Variants in CACNA1H observed in about 807,000 individuals in gnomAD.
CACNA1H encodes voltage-dependent T-type calcium channel subunit alpha-1H.
A neutral mutation model predicts 192.5 loss-of-function variants in CACNA1H; 149 were observed. That is an observed-to-expected ratio of 0.77 (90% CI 0.68 to 0.89). The LOEUF is 0.89. CACNA1H is among the 40% of genes least tolerant of loss of function. The pLI is 0.00. For missense variants in CACNA1H, 4,257 were observed against 3,423.5 expected (o/e 1.24, Z -6.08); for synonymous variants, 2,202 against 1,475.2 (o/e 1.49, Z -11.29).
intron 2 of CACNA1H, among the ~76,000 whole-genome samples, chr16:1,177,577 G>A (rs935147833): frequency 3.9e-5 from 6 of 152,170 alleles, no homozygotes; most frequent in African/African-American, 1.2e-4. Context: ...GGGCCCCCCA[G>A]GACAGGCTTG....
At position 1,218,526 on chromosome 16, in the gene CACNA1H, T is replaced by C. The variant is rs767925553; in HGVS notation, c.5762T>C (p.Val1921Ala). ...APNLVARKVS[V>A]SRMLSLPNDS... The stretch of plus-strand genomic sequence containing the variant: ...AACCTGGTTGCACGCAAGGTGTCCG[T>C]GTCCAGGATGCTCTCGCTGCCCAAC... The change falls in exon 33 of 35, where the codon GTG becomes GCG. Residue 1921 changes from valine to alanine, a missense_variant. Val to Ala is a moderately conservative substitution (Grantham distance 64). Transcript: ENST00000348261. 1.3e-6 allele frequency: 2 copies of C among 1,555,146 alleles called. No homozygotes were observed. The highest frequency in any genetic ancestry group is 1.2e-5 in the South Asian group (1 of 84,320).
intron 5 of CACNA1H, among the ~76,000 whole-genome samples, chr16:1,196,416 GC>G (rs1347963772): frequency 2.0e-5 from 3 of 152,190 alleles, no homozygotes; most frequent in African/African-American, 7.2e-5. Flanking sequence ...TGTGGGTGTG[GC>G]TCAGCTCACC....
At chr16:1,205,725 C>T (rs772997410) in intron 11 of CACNA1H, among the ~76,000 whole-genome samples, 3 of 152,172 alleles carry the variant, frequency 2.0e-5, no homozygotes, top group East Asian at 1.9e-4. Context: ...GCTCATCCCT[C>T]AAGAGTAGAG....
chr16:1,162,678 T>G (rs1429696059), intron 2 of CACNA1H, among the ~76,000 whole-genome samples: 1 of 150,918 alleles, frequency 6.6e-6, no homozygotes, highest in Non-Finnish European at 1.5e-5. Flanking sequence ...CCGAGCGTCT[T>G]GGGACCCTGT....
chr16:1,192,351 G>C (rs922456288), intron 2 of CACNA1H, among the ~76,000 whole-genome samples: 1 of 152,246 alleles, frequency 6.6e-6, no homozygotes, highest in African/African-American at 2.4e-5. Flanking sequence ...ACCCCTGCCA[G>C]CCCCTCTGCC....
chr16:1,210,556 C>T, intron 19 of CACNA1H, 27 bp from the exon 20 acceptor site: 1 of 1,609,878 alleles, frequency 6.2e-7, no homozygotes, highest in Non-Finnish European at 8.5e-7. Context: ...GGAGTGGACA[C>T]AGCCCCCCAC....
chr16:1,219,490 G>T (rs1180110696), intron 34 of CACNA1H, among the ~76,000 whole-genome samples: 2 of 152,176 alleles, frequency 1.3e-5, no homozygotes, highest in African/African-American at 4.8e-5. Context: ...CAGGCCCCAT[G>T]TGGGCATGGG....
chr16:1,209,485 T>A, intron 17 of CACNA1H, 73 bp downstream of exon 17: 1 of 1,553,236 alleles, frequency 6.4e-7, no homozygotes, highest in Non-Finnish European at 8.7e-7. Flanking sequence ...AAGTGGGGTT[T>A]GAGATGGGAT....
chr16:1,165,722 C>A lies in CACNA1H; in HGVS notation c.299+11686C>A, dbSNP rs545235202. On this transcript the variant is annotated intron_variant, in intron 2 of 34. Coordinates refer to ENST00000348261, the MANE Select transcript of CACNA1H (RefSeq NM_021098.3). ...TGTAGAGGGGCTGCCTCCCTGCCCCCACCCCGGCTCACAGTGCGGGTGGCT... is the reference window on the plus strand; with the variant it reads ...TGTAGAGGGGCTGCCTCCCTGCCCCAACCCCGGCTCACAGTGCGGGTGGCT... Among the ~76,000 whole-genome samples, 8 of 152,258 alleles carry A rather than the reference C, an allele frequency of 5.3e-5. No individual in the cohort carries two copies. In the South Asian group the frequency reaches 1.0e-3, roughly 20 times the overall value.
intron 12 of CACNA1H, 92 bp from the exon 13 acceptor site, chr16:1,206,909 T>TCCCCCCCCCCCC: frequency 8.6e-6 from 1 of 116,610 alleles, no homozygotes; most frequent in Non-Finnish European, 1.6e-5. Context: ...GTCCTGCCCC[T>TCCCCCCCCCCCC]CCCTCCTCCC....
chr16:1,166,619 C>A lies in CACNA1H; in HGVS notation c.299+12583C>A, dbSNP rs572728404. ...GAGGAAACCCTGCAGTCAGCTGTCT[C>A]GGCGTCTCCCGCTGGCCTTTTCCGT... On this transcript the variant is annotated intron_variant, in intron 2 of 34. Transcript: ENST00000348261. 3.5e-4 allele frequency among the ~76,000 whole-genome samples: 54 copies of A among 152,242 alleles called. No homozygotes were observed. The South Asian group carries it at 0.011, about 31-fold the overall frequency.
chr16:1,187,228 G>C (rs757283204), intron 2 of CACNA1H, among the ~76,000 whole-genome samples: 1 of 152,250 alleles, frequency 6.6e-6, no homozygotes, highest in Non-Finnish European at 1.5e-5. Context: ...CCAGCGCCGC[G>C]TGGGGCCGTG....
At position 1,219,886 on chromosome 16, in the gene CACNA1H, C is replaced by T. The variant is rs897251114; in HGVS notation, c.6049-95C>T. 1.5e-5 allele frequency: 16 copies of T among 1,039,476 alleles called. No individual in the cohort carries two copies. The East Asian group carries it at 2.9e-4, about 19-fold the overall frequency. 64.4% of individuals were successfully genotyped at this position (1,039,476 alleles called of 1,614,324 possible). A position where few individuals can be genotyped will look rare whatever the true frequency, so the allele number is the denominator to read the frequency against. On this transcript the variant is annotated intron_variant, in intron 34 of 34. Coordinates refer to ENST00000348261, the MANE Select transcript of CACNA1H (RefSeq NM_021098.3). ...CCAGGGGACCTGCCCAGTTTGGCCT[C>T]TCCAGTACCTGGATGGTGAGGGGTC...
rs756447194 is a variant in CACNA1H at position 1,209,395 on chromosome 16, G to C, written c.3727G>C (p.Asp1243His). The change falls in exon 17 of 35, where the codon GAC becomes CAC. Residue 1243 changes from aspartate to histidine, a missense_variant. By Grantham distance (81) the Asp-to-His change is moderately conservative. Coordinates refer to ENST00000348261, the MANE Select transcript of CACNA1H (RefSeq NM_021098.3). ...CCACCGTGAGGATGCAGCCGAGCTT[G>C]ACGACGACTCGGAGGACGTGAGTGC... Reference protein sequence around the residue: ...DSHREDAAELDDDSEDSCCLR... With the variant: ...DSHREDAAELHDDSEDSCCLR... The C allele has an allele frequency of 1.0e-5, 16 of 1,597,566 alleles. No individual in the cohort carries two copies. The South Asian group carries it at 1.8e-4, about 18-fold the overall frequency.
intron 10 of CACNA1H, 143 bp from the exon 11 acceptor site, chr16:1,204,971 G>A (rs1968495599): frequency 6.7e-6 from 1 of 149,180 alleles, no homozygotes; most frequent in African/African-American, 7.0e-5. Context: ...GATCAGTGCC[G>A]GGGAGGGGTG....
Position 1,217,001 on chromosome 16 carries a change from G to A in CACNA1H, c.5314G>A (p.Gly1772Arg), listed in dbSNP as rs1433457496. 2 of 1,593,170 alleles carry A rather than the reference G, an allele frequency of 1.3e-6. No homozygotes were observed. The highest frequency in any genetic ancestry group is 1.7e-6 in the Non-Finnish European group (2 of 1,169,884). Reference protein sequence around the residue: ...IYAALGVELFGRLECSEDNPC... With the variant: ...IYAALGVELFRRLECSEDNPC... ...TGCTGCGCTGGGAGTGGAGCTGTTCGGGAGGCTGGGTGAGTGGCTCCTGCG... is the reference window on the plus strand; with the variant it reads ...TGCTGCGCTGGGAGTGGAGCTGTTCAGGAGGCTGGGTGAGTGGCTCCTGCG... Residue 1772 changes from glycine to arginine, a missense_variant, in exon 31 of 35, where the codon GGG (glycine) becomes AGG (arginine). Transcript: ENST00000348261.
At chr16:1,202,637 AG>A (rs1968110429) in intron 9 of CACNA1H, among the ~76,000 whole-genome samples, 185 bp downstream of exon 9, 1 of 152,102 alleles carries the variant, frequency 6.6e-6, no homozygotes, top group African/African-American at 2.4e-5. Context: ...CGCCCCTGAC[AG>A]CGCCAAAGCA....
In CACNA1H at chr16:1,160,770, C is replaced by T. The variant is rs113013859; in HGVS notation, c.299+6734C>T. 7.2e-4 allele frequency among the ~76,000 whole-genome samples: 109 copies of T among 152,292 alleles called. 2 individuals are homozygous for T. In the South Asian group the frequency reaches 0.016, roughly 22 times the overall value. ...CCTCCTTTGTCCTCTTGCTGCCGCC[C>T]GGTCGCTTGCCGGGAGCGGGAGCTG... On this transcript the variant is annotated intron_variant, in intron 2 of 34. Transcript: ENST00000348261.
chr16:1,165,438 G>A (rs1372576166), intron 2 of CACNA1H, among the ~76,000 whole-genome samples: 1 of 152,176 alleles, frequency 6.6e-6, no homozygotes, highest in African/African-American at 2.4e-5. Flanking sequence ...CTCAAATAAG[G>A]AGGATGAGGC....
Sources: allele counts gnomAD v4.1 joint callset (sites outside exome capture counted in the v4.1 genomes callset), GRCh38; gene constraint gnomAD v4.1.1; transcripts MANE v1.5; gene names NCBI Gene and HGNC (gene_info 2026-07-23, HGNC 2026-07-21).